The following GRAP2 variants were observed in gnomAD, a reference collection of about 807,000 sequenced individuals.
GRAP2 encodes the protein GRB2-related adapter protein 2.
GRAP2 carries 31 observed loss-of-function variants against 43.5 expected under a neutral mutation model. The ratio of observed to expected loss-of-function variants is 0.71; its 90% CI spans 0.54 to 0.96. The LOEUF (loss-of-function observed/expected upper bound fraction) is 0.96, where lower values mean the gene tolerates loss of function less well. Among genes scored for constraint, GRAP2 ranks in the 40% least tolerant of loss-of-function variants. The probability of loss-of-function intolerance (pLI) is 0.00; values close to 1 mark genes in which losing one functional copy is unlikely to be tolerated. For synonymous variants in GRAP2, 156 were observed against 164.8 expected, an observed-to-expected ratio of 0.95 and a Z score of 0.41; for missense variants, 371 against 424.4, an observed-to-expected ratio of 0.87 and a Z score of 1.11.
In GRAP2 at chr22:39,932,046, A is replaced by C. The variant is rs5757810; in HGVS notation, c.-14-15047A>C. On this transcript the variant is annotated intron_variant, in intron 1 of 7. Transcript: ENST00000344138. ...CTAAAGGCTTCATTCTAGAACCTTC[A>C]TACTGCTTATCCCAAAGGCTAGCCC... 4.7e-3 allele frequency among the ~76,000 whole-genome samples: 718 copies of C among 152,302 alleles called. 33 individuals are homozygous for C. In the East Asian group the frequency reaches 0.11, roughly 24 times the overall value.
intron 1 of GRAP2, chr22:39,926,734 G>A: frequency 8.1e-6 from 8 of 985,310 alleles, no homozygotes; most frequent in Non-Finnish European, 9.6e-6. Flanking sequence ...ATTGTTAATG[G>A]GGACTGCATT....
At chr22:39,933,913 A>G (rs1022151005) in intron 1 of GRAP2, among the ~76,000 whole-genome samples, 5 of 152,154 alleles carry the variant, frequency 3.3e-5, no homozygotes, top group Non-Finnish European at 1.5e-5. Context: ...TGCTCTGTCA[A>G]GCAAGGAGAA....
rs184893139 is a variant in GRAP2 at position 39,971,282 on chromosome 22, A to G, written c.*198A>G. On this transcript the variant is annotated 3_prime_UTR_variant, in exon 8 of 8. Coordinates refer to ENST00000344138, the MANE Select transcript of GRAP2 (RefSeq NM_004810.4). ...GCAAAAGGGAACTCAGGTGGAGAAT[A>G]ATATTGACACTTGCTTTTCTGCCCC... 9.1e-5 allele frequency: 49 copies of G among 536,348 alleles called. No homozygotes were observed. Among genetic ancestry groups the G allele is most frequent in the East Asian group, 6.1e-4 (18 of 29,684 alleles). The allele number at this position is 536,348 out of a possible 1,614,324, so 33.2% of individuals were successfully genotyped here. A position where few individuals can be genotyped will look rare whatever the true frequency, so the allele number is the denominator to read the frequency against.
intron 1 of GRAP2, among the ~76,000 whole-genome samples, chr22:39,913,073 A>G (rs1381246367): frequency 6.6e-6 from 1 of 151,860 alleles, no homozygotes; most frequent in Non-Finnish European, 1.5e-5. Flanking sequence ...GGCGCCTGTA[A>G]TCCCAGCTAC....
intron 1 of GRAP2, among the ~76,000 whole-genome samples, chr22:39,930,958 A>G (rs533874559): frequency 3.0e-4 from 45 of 152,318 alleles, no homozygotes; most frequent in African/African-American, 9.6e-4. Flanking sequence ...TCTCCGTCCT[A>G]GGCTAGATTA....
In GRAP2 at chr22:39,926,927, C is replaced by G. The variant is rs529138298; in HGVS notation, c.-14-20166C>G. ...AGAAAGATTGAGGCAGAAGCTGCCA[C>G]CCACTGCCTGGCTCCAGCCTGGATC... On this transcript the variant is annotated intron_variant, in intron 1 of 7. Coordinates refer to ENST00000344138, the MANE Select transcript of GRAP2 (RefSeq NM_004810.4). 6.2e-6 allele frequency: 5 copies of G among 809,274 alleles called. No individual in the cohort carries two copies. In the African/African-American group the frequency reaches 7.4e-5, roughly 12 times the overall value. 50.1% of individuals were successfully genotyped at this position (809,274 alleles called of 1,614,324 possible).
chr22:39,905,891 C>T (rs553432789), intron 1 of GRAP2, among the ~76,000 whole-genome samples: 1 of 152,264 alleles, frequency 6.6e-6, no homozygotes, highest in East Asian at 1.9e-4. Flanking sequence ...CACACTCAGA[C>T]TTGAAGTTAT....
intron 1 of GRAP2, among the ~76,000 whole-genome samples, chr22:39,917,154 A>G (rs968349676): frequency 7.2e-5 from 11 of 152,176 alleles, no homozygotes; most frequent in African/African-American, 2.4e-4. Flanking sequence ...GTTGGTAGTG[A>G]TTTGATACAC....
chr22:39,922,663 G>A (rs892676231), intron 1 of GRAP2, among the ~76,000 whole-genome samples: 1 of 152,208 alleles, frequency 6.6e-6, no homozygotes, highest in Non-Finnish European at 1.5e-5. Flanking sequence ...CCTAGAGTCA[G>A]GAAGGAGAAG....
intron 1 of GRAP2, among the ~76,000 whole-genome samples, chr22:39,942,051 T>C (rs1429449976): frequency 1.3e-5 from 2 of 152,170 alleles, no homozygotes; most frequent in African/African-American, 2.4e-5. Context: ...GCATAACAAA[T>C]TTTCCTTTCA....
chr22:39,904,049 A>C (rs2066508628), intron 1 of GRAP2, among the ~76,000 whole-genome samples: 1 of 152,236 alleles, frequency 6.6e-6, no homozygotes, highest in Non-Finnish European at 1.5e-5. Context: ...TGATGATAAA[A>C]GTCTTATATA....
intron 1 of GRAP2, among the ~76,000 whole-genome samples, chr22:39,937,396 G>A (rs2066817309): frequency 6.6e-6 from 1 of 152,112 alleles, no homozygotes. Context: ...TTTCCTCACT[G>A]AATTGTCTTG....
intron 5 of GRAP2, among the ~76,000 whole-genome samples, chr22:39,966,991 C>A (rs2067181047): frequency 1.7e-5 from 1 of 57,160 alleles, no homozygotes; most frequent in Non-Finnish European, 3.6e-5. Flanking sequence ...CACACATGCA[C>A]ACACTCACAC....
At position 39,966,101 on chromosome 22, in the gene GRAP2, A is replaced by G. The variant is rs772261912; in HGVS notation, c.402A>G (p.Thr134=). 1 of 1,614,100 alleles carries G rather than the reference A, an allele frequency of 6.2e-7. No homozygotes were observed. The highest frequency in any genetic ancestry group is 1.1e-5 in the South Asian group (1 of 91,082). The change falls in exon 5 of 8, where the codon ACA becomes ACG. Residue 134 remains threonine (T), a synonymous_variant. Coordinates refer to ENST00000344138, the MANE Select transcript of GRAP2 (RefSeq NM_004810.4). ...SLNKLVDYYR[T]NSISRQKQIF... Reference sequence around the variant, plus strand: ...ATAAGCTGGTAGACTACTACAGGACAAATTCCATCTCCAGACAGAAGCAGA... The same window carrying G: ...ATAAGCTGGTAGACTACTACAGGACGAATTCCATCTCCAGACAGAAGCAGA...
intron 4 of GRAP2, among the ~76,000 whole-genome samples, chr22:39,961,447 G>A (rs2067119009): frequency 6.6e-6 from 1 of 152,166 alleles, no homozygotes; most frequent in South Asian, 2.1e-4. Flanking sequence ...ATAGTTGTAG[G>A]CAGCTGAACA....
chr22:39,912,529 G>T lies in GRAP2; in HGVS notation c.-15+11199G>T, dbSNP rs749218693. 7.2e-5 allele frequency among the ~76,000 whole-genome samples: 11 copies of T among 152,206 alleles called. No homozygotes were observed. In the South Asian group the frequency reaches 8.3e-4, roughly 11 times the overall value. Reference sequence around the variant, plus strand: ...CAGGAAACATTTTTTGTCACAGTTTGCAGGGAGAGGTCCTACTGGTGGGTA... The same window carrying T: ...CAGGAAACATTTTTTGTCACAGTTTTCAGGGAGAGGTCCTACTGGTGGGTA... On this transcript the variant is annotated intron_variant, in intron 1 of 7. Transcript: ENST00000344138.
chr22:39,936,806 G>A (rs965075252), intron 1 of GRAP2, among the ~76,000 whole-genome samples: 10 of 152,190 alleles, frequency 6.6e-5, no homozygotes, highest in African/African-American at 2.4e-4. Context: ...TTGCCTTAAA[G>A]CGCATGATTG....
chr22:39,932,027 G>A (rs116638457), intron 1 of GRAP2, among the ~76,000 whole-genome samples: 84 of 152,178 alleles, frequency 5.5e-4, no homozygotes, highest in African/African-American at 2.0e-3. Context: ...ACATCTAAAG[G>A]CTTCATTCTA....
At chr22:39,914,822 G>A (rs575429472) in intron 1 of GRAP2, among the ~76,000 whole-genome samples, 5 of 152,232 alleles carry the variant, frequency 3.3e-5, no homozygotes, top group Admixed American at 6.5e-5. Context: ...ACGTACGTAC[G>A]TCAAATGAAA....
Sources: gnomAD v4.1 joint callset for allele counts (sites outside exome capture counted in the v4.1 genomes callset) on GRCh38, gnomAD v4.1.1 for gene constraint, MANE v1.5 for transcripts, NCBI Gene and HGNC (gene_info 2026-07-23, HGNC 2026-07-21) for gene names.